The following SLC24A3 variants were observed in gnomAD, a reference collection of about 807,000 sequenced individuals.
SLC24A3 encodes the protein sodium/potassium/calcium exchanger 3.
Under a neutral mutation model 75.8 loss-of-function variants are expected in SLC24A3, and 28 were observed. That is an observed-to-expected ratio of 0.37 (90% CI 0.27 to 0.51). The LOEUF (loss-of-function observed/expected upper bound fraction) is 0.51, where lower values mean the gene tolerates loss of function less well. SLC24A3 is among the 20% of genes least tolerant of loss of function. The probability of loss-of-function intolerance (pLI) is 0.94; values close to 1 mark genes in which losing one functional copy is unlikely to be tolerated. For synonymous variants in SLC24A3, 372 were observed against 334.1 expected (o/e 1.11, Z -1.24); for missense variants, 663 against 847.8 (o/e 0.78, Z 2.71).
chr20:19,480,627 C>G (rs989337476), intron 2 of SLC24A3, among the ~76,000 whole-genome samples: 7 of 152,182 alleles, frequency 4.6e-5, no homozygotes, highest in African/African-American at 1.7e-4. Context: ...CTCCTGGAAC[C>G]CTGCTCACAG....
intron 9 of SLC24A3, among the ~76,000 whole-genome samples, chr20:19,681,207 A>G (rs766725080): frequency 1.8e-4 from 28 of 152,194 alleles, no homozygotes; most frequent in Non-Finnish European, 3.5e-4. Flanking sequence ...CAATGTATTC[A>G]CTTGATCATT....
chr20:19,656,567 G>A lies in SLC24A3; in HGVS notation c.687+2431G>A, dbSNP rs6046229. ...TTCTATGCACAAACCCACACTGACT[G>A]TGTGCACTCTGCTCTTCTGCCATTA... On this transcript the variant is annotated intron_variant, in intron 7 of 16. Coordinates refer to ENST00000328041, the MANE Select transcript of SLC24A3 (RefSeq NM_020689.4). Among the ~76,000 whole-genome samples the A allele has an allele frequency of 8.5e-4, 129 of 152,278 alleles. 1 individual carries two copies. Among genetic ancestry groups the A allele is most frequent in the African/African-American group, 3.0e-3 (123 of 41,558 alleles).
At chr20:19,470,780 A>G (rs1228755069) in intron 2 of SLC24A3, among the ~76,000 whole-genome samples, 1 of 152,160 alleles carries the variant, frequency 6.6e-6, no homozygotes, top group African/African-American at 2.4e-5. Flanking sequence ...TCATTCCTTT[A>G]TTCCCCACTC....
intron 3 of SLC24A3, among the ~76,000 whole-genome samples, chr20:19,516,581 G>T (rs1385923714): frequency 6.6e-6 from 1 of 152,194 alleles, no homozygotes; most frequent in Non-Finnish European, 1.5e-5. Flanking sequence ...GTCCTAAAGG[G>T]TTTCTCTCTC....
At chr20:19,239,097 A>G (rs1482417682) in intron 1 of SLC24A3, among the ~76,000 whole-genome samples, 2 of 145,154 alleles carry the variant, frequency 1.4e-5, no homozygotes, top group Admixed American at 7.1e-5. Context: ...CAATCACTGG[A>G]GCTCTTTGAG....
chr20:19,578,137 A>G (rs1001364055), intron 3 of SLC24A3, among the ~76,000 whole-genome samples: 1 of 152,240 alleles, frequency 6.6e-6, no homozygotes, highest in African/African-American at 2.4e-5. Flanking sequence ...CATGAAGGAC[A>G]GTTGCAAGTG....
At chr20:19,262,994 T>G (rs763094085) in intron 1 of SLC24A3, among the ~76,000 whole-genome samples, 15 of 151,542 alleles carry the variant, frequency 9.9e-5, no homozygotes, top group Non-Finnish European at 1.9e-4. Flanking sequence ...CACGCCCCTT[T>G]GTTCCTAGAA....
chr20:19,659,563 G>C (rs1387094907), intron 7 of SLC24A3, among the ~76,000 whole-genome samples: 3 of 152,172 alleles, frequency 2.0e-5, no homozygotes, highest in South Asian at 4.1e-4. Flanking sequence ...ACTGTGTTGG[G>C]TCTACTGATA....
intron 1 of SLC24A3, among the ~76,000 whole-genome samples, chr20:19,279,208 C>T (rs533792429): frequency 3.9e-5 from 6 of 152,324 alleles, no homozygotes; most frequent in East Asian, 1.9e-4. Context: ...CTTCAGACAC[C>T]GTGTTGGTGT....
At chr20:19,475,874 T>A (rs2122512615) in intron 2 of SLC24A3, among the ~76,000 whole-genome samples, 1 of 152,318 alleles carries the variant, frequency 6.6e-6, no homozygotes, top group African/African-American at 2.4e-5. Context: ...GGAAATGTGT[T>A]TTGGGTTTTA....
chr20:19,415,655 A>AT (rs1986814843), intron 2 of SLC24A3, among the ~76,000 whole-genome samples: 1 of 152,144 alleles, frequency 6.6e-6, no homozygotes, highest in African/African-American at 2.4e-5. Context: ...AAAAAAAAAA[A>AT]AACTGAATCT....
chr20:19,430,345 CA>C (rs1292178042), intron 2 of SLC24A3, among the ~76,000 whole-genome samples: 3 of 152,074 alleles, frequency 2.0e-5, no homozygotes, highest in African/African-American at 7.2e-5. Flanking sequence ...ACCGCTCAGG[CA>C]GGTGCAATCT....
At chr20:19,273,631 T>A (rs1983394669) in intron 1 of SLC24A3, among the ~76,000 whole-genome samples, 1 of 152,100 alleles carries the variant, frequency 6.6e-6, no homozygotes, top group Non-Finnish European at 1.5e-5. Flanking sequence ...CTGCGGATCT[T>A]GTGAGATGCA....
intron 2 of SLC24A3, among the ~76,000 whole-genome samples, chr20:19,488,338 C>T (rs1303636807): frequency 6.6e-6 from 1 of 152,188 alleles, no homozygotes; most frequent in Non-Finnish European, 1.5e-5. Context: ...TGACTTAATA[C>T]TTCATAACCT....
intron 2 of SLC24A3, among the ~76,000 whole-genome samples, chr20:19,313,509 G>A (rs187412778): frequency 6.6e-6 from 1 of 152,322 alleles, no homozygotes; most frequent in African/African-American, 2.4e-5. Flanking sequence ...GAGTGGCACT[G>A]AGAAGGGCCA....
intron 2 of SLC24A3, among the ~76,000 whole-genome samples, chr20:19,312,515 A>G (rs1984484261): frequency 6.6e-6 from 1 of 152,212 alleles, no homozygotes; most frequent in Non-Finnish European, 1.5e-5. Context: ...GCCACTCTGC[A>G]CAAGGGTAAC....
intron 15 of SLC24A3, among the ~76,000 whole-genome samples, chr20:19,713,953 C>T (rs1304903084): frequency 6.6e-6 from 1 of 152,184 alleles, no homozygotes; most frequent in Non-Finnish European, 1.5e-5. Context: ...CAGAGGGTTG[C>T]AAACATTTTC....
intron 2 of SLC24A3, among the ~76,000 whole-genome samples, chr20:19,318,112 T>C (rs1444622648): frequency 6.6e-6 from 1 of 152,140 alleles, no homozygotes; most frequent in African/African-American, 2.4e-5. Flanking sequence ...AGCTCCCTCA[T>C]CCCTACAGGG....
In SLC24A3 at chr20:19,721,132, G is replaced by C. The variant is rs1172268203; in HGVS notation, c.1927G>C (p.Asp643His). The C allele has an allele frequency of 1.2e-6, 2 of 1,613,916 alleles. No individual in the cohort carries two copies. Among genetic ancestry groups the C allele is most frequent in the East Asian group, 4.5e-5 (2 of 44,882 alleles). Residue 643 changes from aspartate (D) to histidine (H), a missense_variant, in exon 17 of 17, where the codon GAC becomes CAC. Transcript: ENST00000328041. ...FTFVNLPMCG[D>H]H The stretch of plus-strand genomic sequence containing the variant: ...CTTTGTGAACCTGCCCATGTGCGGG[G>C]ACCACTGAGCCGCCGGGTGCCCACA...
Sources: gnomAD v4.1 joint callset for allele counts (sites outside exome capture counted in the v4.1 genomes callset) on GRCh38, gnomAD v4.1.1 for gene constraint, MANE v1.5 for transcripts, NCBI Gene and HGNC (gene_info 2026-07-23, HGNC 2026-07-21) for gene names.